Variants in SKAP1 observed in about 807,000 individuals in gnomAD.
SKAP1 encodes src kinase associated phosphoprotein 1.
A neutral mutation model predicts 58.5 loss-of-function variants in SKAP1; 44 were observed. That is an observed-to-expected ratio of 0.75 (90% CI 0.59 to 0.97). The LOEUF (loss-of-function observed/expected upper bound fraction) is 0.97. SKAP1 is among the 50% of genes least tolerant of loss of function. The pLI, the probability that SKAP1 is intolerant of heterozygous loss-of-function variation, is 0.00. For synonymous variants in SKAP1, 127 were observed against 149.7 expected (o/e 0.85, Z 1.11); for missense variants, 390 against 435.2 (o/e 0.90, Z 0.92).
chr17:48,212,583 T>C (rs2064886818), intron 4 of SKAP1, among the ~76,000 whole-genome samples: 1 of 152,244 alleles, frequency 6.6e-6, no homozygotes, highest in African/African-American at 2.4e-5. Flanking sequence ...AAGGTATACT[T>C]TTCCCTAACT....
chr17:48,384,161 TAAAGTTTAGCTAGTGACA>T (rs1330995267), intron 2 of SKAP1, among the ~76,000 whole-genome samples: 1 of 152,118 alleles, frequency 6.6e-6, no homozygotes. Flanking sequence ...TTATGAAGAC[TAAAGTTTAGCTAGTGACA>T]AAGGGAAGAG....
intron 11 of SKAP1, among the ~76,000 whole-genome samples, chr17:48,148,743 G>A (rs1005077779): frequency 4.6e-5 from 7 of 152,146 alleles, no homozygotes; most frequent in African/African-American, 1.7e-4. Flanking sequence ...TGGGGAGGGG[G>A]TGTTGGGGGA....
At chr17:48,226,403 C>T (rs1199329219) in intron 4 of SKAP1, among the ~76,000 whole-genome samples, 2 of 151,866 alleles carry the variant, frequency 1.3e-5, no homozygotes, top group Non-Finnish European at 2.9e-5. Context: ...TGTTGACATG[C>T]ATGCATTTTT....
At chr17:48,344,325 G>A (rs2066693868) in intron 4 of SKAP1, 2 of 394,012 alleles carry the variant, frequency 5.1e-6, no homozygotes, top group Non-Finnish European at 3.5e-6. Context: ...ACTGTGGGCT[G>A]AGAAACCAAA....
At chr17:48,195,627 T>A (rs1463360654) in intron 4 of SKAP1, among the ~76,000 whole-genome samples, 1 of 152,190 alleles carries the variant, frequency 6.6e-6, no homozygotes, top group Non-Finnish European at 1.5e-5. Context: ...AGGAAGGGAA[T>A]GAACACAACG....
intron 4 of SKAP1, among the ~76,000 whole-genome samples, chr17:48,221,033 C>T (rs2065000871): frequency 6.6e-6 from 1 of 151,968 alleles, no homozygotes; most frequent in Non-Finnish European, 1.5e-5. Flanking sequence ...CTTTCGGAGG[C>T]CAAGGCAGGC....
At chr17:48,135,614 C>T (rs1244864170) in intron 12 of SKAP1, among the ~76,000 whole-genome samples, 2 of 151,978 alleles carry the variant, frequency 1.3e-5, no homozygotes, top group Non-Finnish European at 2.9e-5. Flanking sequence ...AGTAGCTGGG[C>T]CTACAGACGT....
Position 48,270,392 on chromosome 17 carries a change from G to T in SKAP1, c.280+75513C>A, listed in dbSNP as rs762162272. ...AGAGTCTCGCTCTGTCACTGAGGCT[G>T]GAGTGCAGGGGTGGAATATCGGCTC... On this transcript the variant is annotated intron_variant, in intron 4 of 12. Coordinates refer to ENST00000336915, the MANE Select transcript of SKAP1 (RefSeq NM_003726.4). 5.8e-4 allele frequency among the ~76,000 whole-genome samples: 88 copies of T among 151,898 alleles called. 1 individual carries two copies. Among genetic ancestry groups the T allele is most frequent in the Non-Finnish European group, 4.0e-4 (27 of 67,984 alleles).
At chr17:48,344,620 C>T (rs1360398629) in intron 4 of SKAP1, among the ~76,000 whole-genome samples, 1 of 152,176 alleles carries the variant, frequency 6.6e-6, no homozygotes, top group African/African-American at 2.4e-5. Context: ...AATTATTAAT[C>T]AGCTACCAAT....
intron 11 of SKAP1, among the ~76,000 whole-genome samples, chr17:48,159,776 C>T (rs929426730): frequency 3.3e-5 from 5 of 152,136 alleles, no homozygotes; most frequent in African/African-American, 4.8e-5. Context: ...ATTGGGTGGC[C>T]TTTTAAGGTT....
upstream of SKAP1, among the ~76,000 whole-genome samples, chr17:48,431,919 G>A (rs2067920786): frequency 6.6e-6 from 1 of 152,096 alleles, no homozygotes; most frequent in Non-Finnish European, 1.5e-5. Flanking sequence ...CTGCCTCCTT[G>A]TACTGTTTCC....
intron 3 of SKAP1, among the ~76,000 whole-genome samples, chr17:48,358,940 T>A (rs983932781): frequency 6.6e-6 from 1 of 152,200 alleles, no homozygotes; most frequent in African/African-American, 2.4e-5. Flanking sequence ...AATTCAGGTA[T>A]GATTTCAAAG....
At chr17:48,399,743 C>T (rs968148943) in intron 1 of SKAP1, among the ~76,000 whole-genome samples, 2 of 142,050 alleles carry the variant, frequency 1.4e-5, no homozygotes, top group Admixed American at 7.3e-5. Context: ...GCCTGGGTGG[C>T]AGAGCAAGAC....
intron 4 of SKAP1, among the ~76,000 whole-genome samples, chr17:48,306,512 C>T (rs2066144662): frequency 6.6e-6 from 1 of 152,162 alleles, no homozygotes; most frequent in South Asian, 2.1e-4. Context: ...TCACTGCTGT[C>T]TAATTGTTCT....
chr17:48,339,910 C>T (rs190811253), intron 4 of SKAP1, among the ~76,000 whole-genome samples: 104 of 152,222 alleles, frequency 6.8e-4, no homozygotes, highest in African/African-American at 2.0e-3. Context: ...TGGCCGGGCG[C>T]GGTGGCTCAT....
intron 4 of SKAP1, among the ~76,000 whole-genome samples, chr17:48,328,202 G>A (rs1395488437): frequency 6.6e-6 from 1 of 152,158 alleles, no homozygotes; most frequent in Non-Finnish European, 1.5e-5. Flanking sequence ...ACTGCTGTGA[G>A]GGTTAAATGT....
intron 3 of SKAP1, among the ~76,000 whole-genome samples, chr17:48,357,887 C>T (rs528572419): frequency 6.6e-6 from 1 of 152,032 alleles, no homozygotes; most frequent in Admixed American, 6.5e-5. Flanking sequence ...GGGGAAAATG[C>T]CTGAAGGAAG....
At chr17:48,395,899 C>T (rs975924990) in intron 2 of SKAP1, among the ~76,000 whole-genome samples, 28 of 152,214 alleles carry the variant, frequency 1.8e-4, no homozygotes, top group African/African-American at 6.0e-4. Flanking sequence ...ATACTAAGAA[C>T]TGTCAGCCAC....
intron 9 of SKAP1, among the ~76,000 whole-genome samples, chr17:48,171,030 G>C (rs905877088): frequency 6.7e-6 from 1 of 149,902 alleles, no homozygotes; most frequent in Non-Finnish European, 1.5e-5. Flanking sequence ...TTCCTTATAC[G>C]GAAAGGTCCC....
Sources: gnomAD v4.1 joint callset for allele counts (sites outside exome capture counted in the v4.1 genomes callset) on GRCh38, gnomAD v4.1.1 for gene constraint, MANE v1.5 for transcripts, NCBI Gene and HGNC (gene_info 2026-07-23, HGNC 2026-07-21) for gene names.